Variants in ITGAV observed in about 807,000 individuals in gnomAD.
ITGAV encodes the protein integrin subunit alpha V.
In ITGAV, 76 loss-of-function variants were observed where a neutral mutation model predicts 143.8. The ratio of observed to expected loss-of-function variants is 0.53; its 90% CI spans 0.44 to 0.64. The LOEUF (loss-of-function observed/expected upper bound fraction) is 0.64, where lower values mean the gene tolerates loss of function less well. Ranked by LOEUF, ITGAV falls within the 30% of genes least tolerant of loss-of-function variation. The pLI, the probability that ITGAV is intolerant of heterozygous loss-of-function variation, is 0.00. For missense variants in ITGAV, 1,193 were observed against 1,274.7 expected (o/e 0.94, Z 0.98); for synonymous variants, 453 against 446.7 (o/e 1.01, Z -0.18).
At chr2:186,601,301 T>A (rs3845710) in intron 1 of ITGAV, among the ~76,000 whole-genome samples, 150,135 of 151,214 alleles carry the variant, frequency 0.99, 74,534 homozygotes, top group Non-Finnish European at 1. Flanking sequence ...ACAGAAAATT[T>A]AAAAAAAAAA....
chr2:186,669,373 G>T (rs1221680199), intron 25 of ITGAV, among the ~76,000 whole-genome samples: 1 of 152,190 alleles, frequency 6.6e-6, no homozygotes, highest in African/African-American at 2.4e-5. Flanking sequence ...GAAAGGTGAA[G>T]AAACAAAATA....
chr2:186,660,626 T>C (rs1287835415), intron 18 of ITGAV: 1 of 152,220 alleles, frequency 6.6e-6, no homozygotes, highest in African/African-American at 2.4e-5. Context: ...TTTTAATTTG[T>C]AATTTTTAAT....
In ITGAV at chr2:186,667,184, T is replaced by G. The variant is rs1265200126; in HGVS notation, c.2281T>G (p.Ser761Ala). 3.1e-6 allele frequency: 5 copies of G among 1,612,620 alleles called. No homozygotes were observed. The highest frequency in any genetic ancestry group is 1.7e-5 in the Admixed American group (1 of 59,940). ...NLFDKVSPVV[S>A]HKVDLAVLAA... ...ATTTGACAAAGTAAGCCCAGTTGTA[T>G]CTCACAAAGTTGATCTTGCTGTTTT... The change falls in exon 23 of 30, where the codon TCT (serine) becomes GCT (alanine). Residue 761 changes from serine (S) to alanine (A), a missense_variant. By Grantham distance (99) the Ser-to-Ala change is moderately conservative. Transcript: ENST00000261023.
chr2:186,644,238 C>G (rs980524209), intron 12 of ITGAV, among the ~76,000 whole-genome samples: 1 of 152,132 alleles, frequency 6.6e-6, no homozygotes, highest in African/African-American at 2.4e-5. Flanking sequence ...GCTACCGTGG[C>G]CAGCCTGTTT....
At position 186,639,044 on chromosome 2, in the gene ITGAV, A is replaced by G. The variant is rs186945664; in HGVS notation, c.903+579A>G. ...AATGCCTTATAATTTTATTAGATGC[A>G]ACAGAAAGCATGGCACAGATATGTG... On this transcript the variant is annotated intron_variant, in intron 10 of 29. Transcript: ENST00000261023. Among the ~76,000 whole-genome samples the G allele has an allele frequency of 7.2e-5, 11 of 152,204 alleles. No individual in the cohort carries two copies. In the East Asian group the frequency reaches 2.1e-3, roughly 29 times the overall value.
chr2:186,662,062 C>T (rs1688763208), intron 18 of ITGAV, among the ~76,000 whole-genome samples: 1 of 151,894 alleles, frequency 6.6e-6, no homozygotes, highest in Admixed American at 6.6e-5. Context: ...CCTTTTTTTC[C>T]CCTATAGAGT....
chr2:186,668,925 T>C lies in ITGAV; in HGVS notation c.2592+5T>C. On this transcript the variant is annotated splice_donor_5th_base_variant and intron_variant, in intron 25 of 29. Coordinates refer to ENST00000261023, the MANE Select transcript of ITGAV (RefSeq NM_002210.5). ...ATCAACCCTTTGAGAATTAAGGTAA[T>C]ATGCTTAATAGCAGCTCTTCATTAC... 6.3e-7 allele frequency: 1 copy of C among 1,596,568 alleles called. No individual in the cohort carries two copies. The highest frequency in any genetic ancestry group is 8.5e-7 in the Non-Finnish European group (1 of 1,170,454).
intron 26 of ITGAV, 36 bp from the exon 27 acceptor site, chr2:186,675,568 G>T: frequency 2.0e-6 from 3 of 1,491,700 alleles, no homozygotes; most frequent in South Asian, 2.3e-5. Flanking sequence ...ATGATAGAAT[G>T]ACCTTTTCTT....
chr2:186,625,686 A>T (rs2105690675), intron 4 of ITGAV, 99 bp downstream of exon 4: 21 of 421,068 alleles, frequency 5.0e-5, no homozygotes, highest in South Asian at 1.7e-4. Flanking sequence ...TGTGAGAGAG[A>T]GAGATATTAA....
chr2:186,668,207 TATATATA>T (rs1380000287), intron 24 of ITGAV, among the ~76,000 whole-genome samples: 843 of 21,428 alleles, frequency 0.039, 44 homozygotes, highest in Non-Finnish European at 0.055. Context: ...TATATATATA[TATATATA>T]TATTTTTTTT....
At position 186,663,822 on chromosome 2, in the gene ITGAV, G is replaced by C. The variant is rs1482559084; in HGVS notation, c.1912G>C (p.Val638Leu). 6.2e-7 allele frequency: 1 copy of C among 1,611,020 alleles called. No individual in the cohort carries two copies. Among genetic ancestry groups the C allele is most frequent in the East Asian group, 2.2e-5 (1 of 44,796 alleles). ...CAATGTCTGTAAACCCAAGCTGGAA[G>C]TTTCTGTAGATAGGTAAGTTTTGCT... ...EDNVCKPKLE[V>L]SVDSDQKKIY... is the part of the protein sequence containing the mutation. Residue 638 changes from valine to leucine, a missense_variant, in exon 19 of 30, where the codon GTT (valine) becomes CTT (leucine). Physicochemically the swap from Val to Leu is conservative, Grantham distance 32. Coordinates refer to ENST00000261023, the MANE Select transcript of ITGAV (RefSeq NM_002210.5).
intron 28 of ITGAV, among the ~76,000 whole-genome samples, chr2:186,676,503 C>A (rs1689212767): frequency 6.6e-6 from 1 of 152,096 alleles, no homozygotes; most frequent in African/African-American, 2.4e-5. Context: ...ACTGGGGAGG[C>A]TGAAGCATGG....
chr2:186,666,833 G>GA, intron 22 of ITGAV, 50 bp downstream of exon 22: 10 of 988,710 alleles, frequency 1.0e-5, no homozygotes, highest in African/African-American at 1.6e-5. Context: ...AATATTATTT[G>GA]TTGTAAATAT....
chr2:186,658,952 C>A, intron 17 of ITGAV, 86 bp from the exon 18 acceptor site: 1 of 927,624 alleles, frequency 1.1e-6, no homozygotes, highest in Admixed American at 2.3e-5. Context: ...GGGATGAATA[C>A]AGCTGGCTTT....
At chr2:186,648,270 T>C (rs1688316962) in intron 13 of ITGAV, among the ~76,000 whole-genome samples, 1 of 152,132 alleles carries the variant, frequency 6.6e-6, no homozygotes, top group Non-Finnish European at 1.5e-5. Flanking sequence ...TTTTTTAAGG[T>C]TATTAATACA....
intron 1 of ITGAV, among the ~76,000 whole-genome samples, chr2:186,593,163 G>A (rs1272512352): frequency 2.0e-5 from 3 of 152,206 alleles, no homozygotes; most frequent in Non-Finnish European, 4.4e-5. Context: ...AGGAGCAGTG[G>A]TTGTGACGTC....
chr2:186,666,362 T>C lies in ITGAV; in HGVS notation c.2167-342T>C, dbSNP rs528545423. On this transcript the variant is annotated intron_variant, in intron 21 of 29. Coordinates refer to ENST00000261023, the MANE Select transcript of ITGAV (RefSeq NM_002210.5). ...CCTGGCCTATGAACACAGCACATAC[T>C]TTGGTGGTTAGCTTCGTGTTATCAA... Among the ~76,000 whole-genome samples the C allele has an allele frequency of 5.3e-5, 8 of 152,308 alleles. No individual in the cohort carries two copies. In the East Asian group the frequency reaches 1.5e-3, roughly 29 times the overall value.
At chr2:186,597,251 T>C (rs746769344) in intron 1 of ITGAV, among the ~76,000 whole-genome samples, 2 of 152,172 alleles carry the variant, frequency 1.3e-5, no homozygotes, top group Non-Finnish European at 2.9e-5. Context: ...TCCTAATAAC[T>C]TCCGAGCTCT....
chr2:186,593,115 T>A (rs928515259), intron 1 of ITGAV, among the ~76,000 whole-genome samples: 18 of 152,186 alleles, frequency 1.2e-4, no homozygotes, highest in African/African-American at 4.1e-4. Context: ...ATTTGTCAAT[T>A]CAAGAGCGCC....
Sources: allele counts gnomAD v4.1 joint callset (sites outside exome capture counted in the v4.1 genomes callset), GRCh38; gene constraint gnomAD v4.1.1; transcripts MANE v1.5; gene names NCBI Gene and HGNC (gene_info 2026-07-23, HGNC 2026-07-21).